CFAP54: variants seen among roughly 807,000 people sequenced by gnomAD.
CFAP54 encodes cilia and flagella associated protein 54, also known as cilia- and flagella-associated protein 54.
In CFAP54, 290 loss-of-function variants were observed where a neutral mutation model predicts 370.4. The ratio of observed to expected loss-of-function variants is 0.78; its 90% CI spans 0.71 to 0.86. The LOEUF (loss-of-function observed/expected upper bound fraction) is 0.86, where lower values mean the gene tolerates loss of function less well. CFAP54 is among the 40% of genes least tolerant of loss of function. The probability of loss-of-function intolerance (pLI) is 0.00; values close to 1 mark genes in which losing one functional copy is unlikely to be tolerated. For missense variants in CFAP54, 3,399 were observed against 3,528.7 expected, an observed-to-expected ratio of 0.96 and a Z score of 0.93; for synonymous variants, 1,206 against 1,236.5, an observed-to-expected ratio of 0.98 and a Z score of 0.52.
chr12:96,518,397 A>G (rs1171616473), intron 5 of CFAP54, among the ~76,000 whole-genome samples: 1 of 152,200 alleles, frequency 6.6e-6, no homozygotes, highest in East Asian at 1.9e-4. Flanking sequence ...TTATAATAAG[A>G]CAAGACAGGC....
chr12:96,594,329 AT>A lies in CFAP54; in HGVS notation c.3401del (p.Leu1134TrpfsTer7), dbSNP rs1956154162. ...TTGAATGTGAGAGAGTATTAGTGGC[AT>A]TGGAACTTAGCAACTTCCTAAATGA... Reference protein sequence around the residue: ...LIECERVLVALELSNFLNDSS... With the variant: ...LIECERVLVAXELSNFLNDSS... On this transcript the variant is annotated frameshift_variant, in exon 25 of 68. Coordinates refer to ENST00000524981, the MANE Select transcript of CFAP54 (RefSeq NM_001306084.2). LOFTEE classifies it high-confidence loss of function. 1.3e-6 allele frequency: 2 copies of A among 1,534,834 alleles called. No homozygotes were observed.
chr12:96,520,373 G>A (rs562499944), intron 6 of CFAP54, among the ~76,000 whole-genome samples: 1 of 152,076 alleles, frequency 6.6e-6, no homozygotes, highest in African/African-American at 2.4e-5. Flanking sequence ...GTGAAACCCT[G>A]TCTCTACTAA....
At position 96,629,194 on chromosome 12, in the gene CFAP54, T is replaced by C. The variant is rs914106558; in HGVS notation, c.4104-899T>C. Among the ~76,000 whole-genome samples, 4 of 152,172 alleles carry C rather than the reference T, an allele frequency of 2.6e-5. No homozygotes were observed. The East Asian group carries it at 5.8e-4, about 22-fold the overall frequency. ...TTATTTTCAATCCAGTTCTGTTCCA[T>C]GTACATCATGCCTTCAACTCCTCTT... On this transcript the variant is annotated intron_variant, in intron 30 of 67. Transcript: ENST00000524981.
intron 55 of CFAP54, among the ~76,000 whole-genome samples, chr12:96,752,036 C>T (rs965433945): frequency 2.7e-5 from 4 of 148,060 alleles, no homozygotes; most frequent in African/African-American, 1.0e-4. Context: ...CATCAGTGTG[C>T]TGCCATCCCG....
chr12:96,641,427 A>G (rs1481263987), intron 32 of CFAP54, among the ~76,000 whole-genome samples: 1 of 152,050 alleles, frequency 6.6e-6, no homozygotes, highest in Non-Finnish European at 1.5e-5. Flanking sequence ...GTCAGGAAAC[A>G]AGAGGTGCTG....
At chr12:96,737,647 AC>A (rs1381305513) in intron 50 of CFAP54, among the ~76,000 whole-genome samples, 2 of 151,720 alleles carry the variant, frequency 1.3e-5, no homozygotes, top group Non-Finnish European at 2.9e-5. Context: ...CTGCCACTCT[AC>A]CCAGCTAATT....
chr12:96,846,809 C>G (rs10860100), intron 66 of CFAP54, among the ~76,000 whole-genome samples: 62,250 of 151,946 alleles, frequency 0.41, 14,023 homozygotes, highest in African/African-American at 0.6. Flanking sequence ...AAGGTATTCT[C>G]TAGCTGAGCA....
At chr12:96,697,102 C>G (rs1385611960) in intron 45 of CFAP54, among the ~76,000 whole-genome samples, 2 of 152,086 alleles carry the variant, frequency 1.3e-5, no homozygotes, top group Non-Finnish European at 1.5e-5. Context: ...ACCAATGATC[C>G]TATATTTGTG....
chr12:96,559,188 C>G (rs1294492583), intron 17 of CFAP54, among the ~76,000 whole-genome samples: 1 of 151,966 alleles, frequency 6.6e-6, no homozygotes, highest in Non-Finnish European at 1.5e-5. Flanking sequence ...TGCACTCCAG[C>G]CTGGGTGACA....
In CFAP54 at chr12:96,559,844, T is replaced by C. The variant is rs1379715102; in HGVS notation, c.2411-4624T>C. ...ACTGATATAATAATATTATTGATTA[T>C]ATAGTCAATTATTTTTTAGCATCCA... On this transcript the variant is annotated intron_variant, in intron 17 of 67. Transcript: ENST00000524981. Among the ~76,000 whole-genome samples, 3 of 152,132 alleles carry C rather than the reference T, an allele frequency of 2.0e-5. No individual in the cohort carries two copies. In the East Asian group the frequency reaches 5.8e-4, roughly 29 times the overall value.
At chr12:96,826,648 A>G (rs1309643310) in intron 65 of CFAP54, among the ~76,000 whole-genome samples, 1 of 107,998 alleles carries the variant, frequency 9.3e-6, no homozygotes, top group South Asian at 2.6e-4. Context: ...TATAGTATAT[A>G]TTAAATATAT....
At position 96,554,790 on chromosome 12, in the gene CFAP54, G is replaced by T; in HGVS notation, c.2398G>T (p.Asp800Tyr). 1 of 1,533,418 alleles carries T rather than the reference G, an allele frequency of 6.5e-7. No individual in the cohort carries two copies. Among genetic ancestry groups the T allele is most frequent in the Non-Finnish European group, 8.7e-7 (1 of 1,145,266 alleles). 95.0% of individuals were successfully genotyped at this position (1,533,418 alleles called of 1,614,324 possible). ...GCATCGAATAGCTGTTGTGCTTCTG[G>T]ACAAATTGCAAGGTAGTAGTCACTA... ...AQHRIAVVLL[D>Y]KLQVLQTPTV... is the part of the protein sequence containing the mutation. Residue 800 changes from aspartate (D) to tyrosine (Y), a missense_variant, in exon 17 of 68, where the codon GAC (aspartate) becomes TAC (tyrosine). Physicochemically the swap from Asp to Tyr is radical, Grantham distance 160. Coordinates refer to ENST00000524981, the MANE Select transcript of CFAP54 (RefSeq NM_001306084.2).
At chr12:96,548,445 C>T (rs1955662533) in intron 15 of CFAP54, among the ~76,000 whole-genome samples, 1 of 151,938 alleles carries the variant, frequency 6.6e-6, no homozygotes, top group Admixed American at 6.6e-5. Flanking sequence ...AGAACAAGTG[C>T]TAATTTTAAA....
At chr12:96,840,622 C>CTTTTTTTTT (rs1491169613) in intron 66 of CFAP54, among the ~76,000 whole-genome samples, 2 of 67,024 alleles carry the variant, frequency 3.0e-5, no homozygotes, top group African/African-American at 7.6e-5. Context: ...TTCTCTGTTT[C>CTTTTTTTTT]TTTCTTTTTT....
intron 48 of CFAP54, among the ~76,000 whole-genome samples, chr12:96,718,226 G>A (rs1264475828): frequency 6.6e-6 from 1 of 152,096 alleles, no homozygotes; most frequent in Non-Finnish European, 1.5e-5. Context: ...GGGCATGGTG[G>A]TGTGCGCCCG....
rs185892439 is a variant in CFAP54 at position 96,675,184 on chromosome 12, C to G, written c.5564-4416C>G. Reference sequence around the variant, plus strand: ...AATGGGAGAAAATTTTTGCAATCTACTCATCTGACAAAGGGCCAATATCCA... The same window carrying G: ...AATGGGAGAAAATTTTTGCAATCTAGTCATCTGACAAAGGGCCAATATCCA... On this transcript the variant is annotated intron_variant, in intron 39 of 67. Transcript: ENST00000524981. 2.6e-5 allele frequency among the ~76,000 whole-genome samples: 4 copies of G among 152,178 alleles called. No individual in the cohort carries two copies. In the East Asian group the frequency reaches 7.7e-4, roughly 29 times the overall value.
intron 12 of CFAP54, among the ~76,000 whole-genome samples, chr12:96,536,869 G>A (rs529266775): frequency 2.8e-4 from 43 of 151,794 alleles, no homozygotes; most frequent in Non-Finnish European, 3.4e-4. Context: ...CAGATGATCC[G>A]CCCACCTCAG....
intron 26 of CFAP54, among the ~76,000 whole-genome samples, chr12:96,599,791 C>T (rs1956219944): frequency 6.6e-6 from 1 of 152,170 alleles, no homozygotes; most frequent in South Asian, 2.1e-4. Context: ...TGTCTGTTGG[C>T]TGCATAAATG....
At chr12:96,571,417 T>A (rs533213181) in intron 19 of CFAP54, among the ~76,000 whole-genome samples, 1 of 152,192 alleles carries the variant, frequency 6.6e-6, no homozygotes, top group East Asian at 1.9e-4. Context: ...TCCATCGAGA[T>A]TTCTTGGCTG....
Sources: allele counts gnomAD v4.1 joint callset (sites outside exome capture counted in the v4.1 genomes callset), GRCh38; gene constraint gnomAD v4.1.1; transcripts MANE v1.5; gene names NCBI Gene and HGNC (gene_info 2026-07-23, HGNC 2026-07-21).